Variants in GSE1 observed in about 807,000 individuals in gnomAD.
GSE1 encodes genetic suppressor element 1.
A neutral mutation model predicts 112.6 loss-of-function variants in GSE1; 32 were observed. The ratio of observed to expected loss-of-function variants is 0.28; its 90% confidence interval spans 0.21 to 0.38. The LOEUF is 0.38. Ranked by LOEUF, GSE1 falls within the 10% of genes least tolerant of loss-of-function variation. The pLI is 1.00. For synonymous variants in GSE1, 1,115 were observed against 735.6 expected, an observed-to-expected ratio of 1.52 and a Z score of -8.35; for missense variants, 2,348 against 1,699.2, an observed-to-expected ratio of 1.38 and a Z score of -6.71.
rs202128931 is a variant in GSE1, at chr16:85,654,406, C to T, written c.555C>T (p.Leu185=). ...TCAGCACCCCCTACCCCTTCGGCCT[C>T]TCCCCCAGCTCAGTTGTGCAGGATT... ...HLLSTPYPFG[L]SPSSVVQDSR... is the part of the protein sequence containing the mutation. Residue 185 remains leucine, a synonymous_variant, in exon 4 of 16, where the codon CTC becomes CTT. Coordinates refer to ENST00000253458, the MANE Select transcript of GSE1 (RefSeq NM_014615.5). The T allele has an allele frequency of 5.0e-5, 79 of 1,593,438 alleles. No individual in the cohort carries two copies. Among genetic ancestry groups the T allele is most frequent in the Middle Eastern group, 1.7e-4 (1 of 5,952 alleles).
upstream of GSE1, among the ~76,000 whole-genome samples, chr16:85,552,573 C>T (rs1408613948): frequency 6.6e-6 from 1 of 150,782 alleles, no homozygotes; most frequent in South Asian, 2.2e-4. Flanking sequence ...ACCTCGTGAT[C>T]CGTCCGTCTC....
chr16:85,547,237 A>T (rs766795969), intron 2 of GSE1, among the ~76,000 whole-genome samples: 1 of 152,142 alleles, frequency 6.6e-6, no homozygotes, highest in Non-Finnish European at 1.5e-5. Context: ...AGGATGTATT[A>T]GCTTCCTGTG....
rs2047341642 is a variant in GSE1, at chr16:85,373,311, G to A, written c.2464+15668G>A. ...CCACCCCTTTGTCTCAAACAGCCAG[G>A]CTGTTGGGGTGCCTTCTCTGATGTC... is the stretch of plus-strand genomic sequence containing the variant. On this transcript the variant is annotated intron_variant, in intron 2 of 2. Coordinates refer to the GSE1 transcript ENST00000637419. This position sits in a 1 kb window ranked among gnomAD's most constrained non-coding sequence, Gnocchi z 5.1. Among the ~76,000 whole-genome samples, 1 of 152,240 alleles carries A rather than the reference G, an allele frequency of 6.6e-6. No homozygotes were observed. Among genetic ancestry groups the A allele is most frequent in the Non-Finnish European group, 1.5e-5 (1 of 68,026 alleles).
At chr16:85,503,966 A>G (rs2051453064) in intron 2 of GSE1, among the ~76,000 whole-genome samples, 1 of 152,178 alleles carries the variant, frequency 6.6e-6, no homozygotes, top group Non-Finnish European at 1.5e-5. Context: ...TCCCTTCATT[A>G]GGAGGGAGGG....
intron 14 of GSE1, 130 bp downstream of exon 14, chr16:85,668,554 T>A: frequency 3.1e-6 from 2 of 655,278 alleles, no homozygotes; most frequent in Non-Finnish European, 5.2e-6. Flanking sequence ...ACAGTAGATA[T>A]GAATACTGGA....
At chr16:85,535,975 A>C (rs1003129795) in intron 2 of GSE1, among the ~76,000 whole-genome samples, 10 of 152,274 alleles carry the variant, frequency 6.6e-5, no homozygotes, top group Non-Finnish European at 1.5e-4. Context: ...CTCTAGGCCT[A>C]GGCTTTGGGA....
At chr16:85,185,531 C>T (rs1375323780) in intron 1 of GSE1, among the ~76,000 whole-genome samples, 1 of 152,234 alleles carries the variant, frequency 6.6e-6, no homozygotes, top group Non-Finnish European at 1.5e-5. Flanking sequence ...GCTTGGAATA[C>T]CCACTGGAAA....
intron 2 of GSE1, among the ~76,000 whole-genome samples, chr16:85,360,215 G>C (rs993229247): frequency 1.3e-5 from 2 of 152,044 alleles, no homozygotes; most frequent in Non-Finnish European, 2.9e-5. Context: ...GCAGGTCCTT[G>C]CTGCAACTCA....
chr16:85,566,253 C>G (rs2151307298), intron 1 of GSE1, among the ~76,000 whole-genome samples: 1 of 152,344 alleles, frequency 6.6e-6, no homozygotes, highest in South Asian at 2.1e-4. Flanking sequence ...GGAGACCTGG[C>G]CAAGTCACTC....
chr16:85,526,912 A>G (rs1028132703), intron 2 of GSE1, among the ~76,000 whole-genome samples: 4 of 152,254 alleles, frequency 2.6e-5, no homozygotes, highest in African/African-American at 9.6e-5. Flanking sequence ...ATGAATTAAG[A>G]CTTGTAAATG....
At chr16:85,321,782 G>C (rs1301677112) in intron 1 of GSE1, among the ~76,000 whole-genome samples, 5 of 150,058 alleles carry the variant, frequency 3.3e-5, no homozygotes, top group African/African-American at 9.8e-5. Context: ...GACAGAGTGA[G>C]AGCCTGTCTT....
At chr16:85,526,130 C>T (rs1456597136) in intron 2 of GSE1, among the ~76,000 whole-genome samples, 1 of 152,208 alleles carries the variant, frequency 6.6e-6, no homozygotes, top group Non-Finnish European at 1.5e-5. Flanking sequence ...ACACCTGACT[C>T]GCAGCCCACC....
In GSE1 at chr16:85,193,239, C is replaced by G. The variant is rs2074861035; in HGVS notation, c.2283+21432C>G. Among the ~76,000 whole-genome samples, 3 of 152,208 alleles carry G rather than the reference C, an allele frequency of 2.0e-5. 1 individual carries two copies. Among genetic ancestry groups the G allele is most frequent in the Admixed American group, 2.0e-4 (3 of 15,288 alleles). On this transcript the variant is annotated intron_variant, in intron 1 of 2. Transcript: ENST00000637419. Reference sequence around the variant, plus strand: ...TTCTTCGGTGTCTGTTTATTGAACACTCGTGACGTGGATAGGCATTGGAAA... The same window carrying G: ...TTCTTCGGTGTCTGTTTATTGAACAGTCGTGACGTGGATAGGCATTGGAAA...
At chr16:85,214,216 G>A (rs565471029) in intron 1 of GSE1, among the ~76,000 whole-genome samples, 6 of 152,144 alleles carry the variant, frequency 3.9e-5, no homozygotes, top group East Asian at 1.9e-4. Flanking sequence ...GCACCACCTC[G>A]GGGAAGCCGA....
At chr16:85,649,101 C>T (rs2051121832) in intron 3 of GSE1, among the ~76,000 whole-genome samples, 1 of 152,150 alleles carries the variant, frequency 6.6e-6, no homozygotes, top group Non-Finnish European at 1.5e-5. Context: ...TGCCTTCTCC[C>T]TGGGTCGTCT....
intron 2 of GSE1, among the ~76,000 whole-genome samples, chr16:85,514,636 T>A (rs548046053): frequency 3.3e-5 from 5 of 152,298 alleles, no homozygotes; most frequent in African/African-American, 1.2e-4. Context: ...GCTCAGAGGC[T>A]CTGCGCCCAT....
chr16:85,592,615 C>G (rs552807714), intron 1 of GSE1: 1 of 152,340 alleles, frequency 6.6e-6, no homozygotes, highest in African/African-American at 2.4e-5. Flanking sequence ...TTCTCTCCAG[C>G]AGAATGCAGC....
chr16:85,188,726 A>G (rs2143414538), intron 1 of GSE1, among the ~76,000 whole-genome samples: 1 of 151,796 alleles, frequency 6.6e-6, no homozygotes, highest in South Asian at 2.1e-4. Context: ...ACTTGAGCCG[A>G]GGAGTTCAAG....
intron 2 of GSE1, among the ~76,000 whole-genome samples, chr16:85,374,496 T>C (rs528492250): frequency 6.7e-6 from 1 of 149,766 alleles, no homozygotes; most frequent in East Asian, 2.0e-4. Flanking sequence ...GGTGTGTGGC[T>C]CTCAGTGTAT....
Sources: gnomAD v4.1 joint callset for allele counts (sites outside exome capture counted in the v4.1 genomes callset) on GRCh38, gnomAD v4.1.1 for gene constraint, Gnocchi (gnomAD v3.1) non-coding constraint, MANE v1.5 for transcripts, NCBI Gene and HGNC (gene_info 2026-07-23, HGNC 2026-07-21) for gene names.